The following CACHD1 variants were observed in gnomAD, a reference collection of about 807,000 sequenced individuals.
CACHD1 encodes the protein cache domain containing 1.
In CACHD1, 71 loss-of-function variants were observed where a neutral mutation model predicts 138.7. The ratio of observed to expected loss-of-function variants is 0.51; its 90% CI spans 0.42 to 0.62. The LOEUF (loss-of-function observed/expected upper bound fraction) is 0.62. CACHD1 is among the 20% of genes least tolerant of loss of function. CACHD1 has a pLI of 0.00. For missense variants in CACHD1, 1,389 were observed against 1,625.3 expected (o/e 0.85, Z 2.50); for synonymous variants, 578 against 591.5 (o/e 0.98, Z 0.33).
chr1:64,517,919 T>C (rs1570323752), intron 1 of CACHD1, among the ~76,000 whole-genome samples: 1 of 152,158 alleles, frequency 6.6e-6, no homozygotes, highest in African/African-American at 2.4e-5. Flanking sequence ...GCTGTAATGG[T>C]TGTATTCCTT....
Position 64,635,380 on chromosome 1 carries a change from A to ATTT in CACHD1, c.1006+1138_1006+1140dup, listed in dbSNP as rs71056060. Among the ~76,000 whole-genome samples, 56 of 91,818 alleles carry ATTT rather than the reference A, an allele frequency of 6.1e-4. 1 individual carries two copies. Among genetic ancestry groups the ATTT allele is most frequent in the African/African-American group, 2.0e-3 (53 of 26,904 alleles). The allele number at this position is 91,818 out of a possible 152,430, so 60.2% of individuals were successfully genotyped here. A position where few individuals can be genotyped will look rare whatever the true frequency, so the allele number is the denominator to read the frequency against. On this transcript the variant is annotated intron_variant, in intron 7 of 26. Transcript: ENST00000651257. ...AGATGTACAAAGGCACTCTAATTTA[A>ATTT]TTTTTTTTTTTTTTTTTTTTGGAGA...
At chr1:64,627,386 G>A (rs777278961) in intron 4 of CACHD1, among the ~76,000 whole-genome samples, 4 of 152,092 alleles carry the variant, frequency 2.6e-5, no homozygotes, top group African/African-American at 4.8e-5. Context: ...CCACCTGGGC[G>A]ACAGAGTGAG....
chr1:64,547,367 TTTTG>T (rs1389391897), intron 1 of CACHD1, among the ~76,000 whole-genome samples: 2 of 152,050 alleles, frequency 1.3e-5, no homozygotes, highest in South Asian at 2.1e-4. Flanking sequence ...TTTGTTGTTG[TTTTG>T]TTTGTTTTTC....
At chr1:64,684,025 A>G (rs1650273715) in intron 26 of CACHD1, among the ~76,000 whole-genome samples, 1 of 152,210 alleles carries the variant, frequency 6.6e-6, no homozygotes, top group Non-Finnish European at 1.5e-5. Flanking sequence ...GCATAACAAC[A>G]CTTCGCATAT....
chr1:64,677,758 G>A (rs2499823), intron 22 of CACHD1, among the ~76,000 whole-genome samples: 53,129 of 151,988 alleles, frequency 0.35, 12,711 homozygotes, highest in East Asian at 0.78. Flanking sequence ...AACCTGTGGT[G>A]ACTGGCCAAG....
intron 24 of CACHD1, among the ~76,000 whole-genome samples, chr1:64,680,497 A>G (rs1650138888): frequency 6.6e-6 from 1 of 152,132 alleles, no homozygotes; most frequent in African/African-American, 2.4e-5. Flanking sequence ...GAAAAAAAAA[A>G]AAGTCATCGA....
intron 4 of CACHD1, among the ~76,000 whole-genome samples, chr1:64,610,115 T>G (rs558445711): frequency 2.0e-5 from 3 of 152,184 alleles, no homozygotes; most frequent in African/African-American, 7.2e-5. Flanking sequence ...AAGAACAGCA[T>G]GAAGGTAACC....
Position 64,470,716 on chromosome 1 carries a change from C to T in CACHD1, c.-29C>T. The stretch of plus-strand genomic sequence containing the variant: ...GCGGCCCGCTTCCCCGCGCCCGGAG[C>T]CCGTCGGCGGGGAGTGGGGGGAGGC... On this transcript the variant is annotated 5_prime_UTR_variant, in exon 1 of 27. Coordinates refer to ENST00000651257, the MANE Select transcript of CACHD1 (RefSeq NM_020925.4). This position sits in a 1 kb window ranked among gnomAD's most constrained non-coding sequence, Gnocchi z 5.2. The T allele has an allele frequency of 2.0e-6, 1 of 510,814 alleles. No individual in the cohort carries two copies. The highest frequency in any genetic ancestry group is 3.5e-5 in the South Asian group (1 of 28,930). The allele number at this position is 510,814 out of a possible 1,614,324, so 31.6% of individuals were successfully genotyped here. A position where few individuals can be genotyped will look rare whatever the true frequency, so the allele number is the denominator to read the frequency against.
chr1:64,616,136 C>T (rs1185521930), intron 4 of CACHD1, among the ~76,000 whole-genome samples: 1 of 152,148 alleles, frequency 6.6e-6, no homozygotes, highest in Non-Finnish European at 1.5e-5. Context: ...GTATCTAAAA[C>T]CATACCTATA....
intron 16 of CACHD1, among the ~76,000 whole-genome samples, chr1:64,668,717 G>A (rs140693191): frequency 6.6e-6 from 1 of 152,268 alleles, no homozygotes; most frequent in East Asian, 1.9e-4. Flanking sequence ...GAAATCCCAC[G>A]CACCTGGTCG....
intron 3 of CACHD1, among the ~76,000 whole-genome samples, chr1:64,590,647 C>T (rs373940639): frequency 2.0e-5 from 3 of 151,790 alleles, no homozygotes; most frequent in African/African-American, 7.3e-5. Flanking sequence ...AGGGACTTAG[C>T]TTCAAGTCAA....
chr1:64,526,921 C>T (rs1646543672), intron 1 of CACHD1, among the ~76,000 whole-genome samples: 1 of 152,154 alleles, frequency 6.6e-6, no homozygotes, highest in African/African-American at 2.4e-5. Flanking sequence ...GAAAGGAAAA[C>T]CATGTGAGCC....
chr1:64,501,061 A>G lies in CACHD1; in HGVS notation c.198+30119A>G, dbSNP rs1646337165. 3.3e-5 allele frequency among the ~76,000 whole-genome samples: 5 copies of G among 151,596 alleles called. No individual in the cohort carries two copies. In the South Asian group the frequency reaches 1.0e-3, roughly 32 times the overall value. ...AGATTCTGTCTCAAAAAAAAAAAAAAGGAGAGACAGAGAGAAAATTAACCT... is the reference window on the plus strand; with the variant it reads ...AGATTCTGTCTCAAAAAAAAAAAAAGGGAGAGACAGAGAGAAAATTAACCT... On this transcript the variant is annotated intron_variant, in intron 1 of 26. Coordinates refer to ENST00000651257, the MANE Select transcript of CACHD1 (RefSeq NM_020925.4).
chr1:64,633,471 G>A (rs1648387084), intron 6 of CACHD1, among the ~76,000 whole-genome samples: 1 of 152,132 alleles, frequency 6.6e-6, no homozygotes, highest in Non-Finnish European at 1.5e-5. Flanking sequence ...GGGAGATTTG[G>A]ATGCTGATGG....
At chr1:64,543,402 C>CATACATATATATATATAT (rs1553131373) in intron 1 of CACHD1, among the ~76,000 whole-genome samples, 1 of 126,886 alleles carries the variant, frequency 7.9e-6, no homozygotes, top group African/African-American at 3.3e-5. Flanking sequence ...AAAAAAAATA[C>CATACATATATATATATAT]ATATATATAT....
chr1:64,613,135 A>G (rs1647590262), intron 4 of CACHD1, among the ~76,000 whole-genome samples: 1 of 152,210 alleles, frequency 6.6e-6, no homozygotes, highest in Admixed American at 6.5e-5. Context: ...CTAGAATTAG[A>G]AGTAGAGCCT....
chr1:64,573,724 C>CAG (rs1426324178), intron 2 of CACHD1, among the ~76,000 whole-genome samples: 3 of 152,138 alleles, frequency 2.0e-5, no homozygotes, highest in Non-Finnish European at 2.9e-5. Flanking sequence ...ATGCACAGTG[C>CAG]AGTGGTTCAA....
At chr1:64,633,526 G>A (rs1003544496) in intron 6 of CACHD1, among the ~76,000 whole-genome samples, 1 of 152,154 alleles carries the variant, frequency 6.6e-6, no homozygotes, top group African/African-American at 2.4e-5. Flanking sequence ...CAGGAAGAAG[G>A]GAAAGCCGCT....
At chr1:64,476,360 G>T (rs940053388) in intron 1 of CACHD1, among the ~76,000 whole-genome samples, 6 of 152,162 alleles carry the variant, frequency 3.9e-5, no homozygotes, top group African/African-American at 1.2e-4. Flanking sequence ...AAGCTGATTT[G>T]CAGTCATGTT....
Sources: gnomAD v4.1 joint callset for allele counts (sites outside exome capture counted in the v4.1 genomes callset) on GRCh38, gnomAD v4.1.1 for gene constraint, Gnocchi (gnomAD v3.1) non-coding constraint, MANE v1.5 for transcripts, NCBI Gene and HGNC (gene_info 2026-07-23, HGNC 2026-07-21) for gene names.